COLEC10: variants seen among roughly 807,000 people sequenced by gnomAD.
COLEC10 encodes collectin-10.
In COLEC10, 22 loss-of-function variants were observed where a neutral mutation model predicts 28.4. That is an observed-to-expected ratio of 0.78 (90% CI 0.55 to 1.11). COLEC10 has a LOEUF of 1.11. Ranked by LOEUF, COLEC10 falls within the 50% of genes least tolerant of loss-of-function variation. The probability of loss-of-function intolerance (pLI) is 0.00; values close to 1 mark genes in which losing one functional copy is unlikely to be tolerated. For missense variants in COLEC10, 361 were observed against 344.1 expected (o/e 1.05, Z -0.39); for synonymous variants, 125 against 116.1 (o/e 1.08, Z -0.49).
At chr8:119,023,236 T>G (rs1189045756) in intron 2 of COLEC10, among the ~76,000 whole-genome samples, 1 of 152,146 alleles carries the variant, frequency 6.6e-6, no homozygotes, top group Non-Finnish European at 1.5e-5. Context: ...ATTTACTTAT[T>G]TATTATATTT....
At chr8:119,038,684 A>G (rs1027177008) in intron 2 of COLEC10, among the ~76,000 whole-genome samples, 1 of 152,196 alleles carries the variant, frequency 6.6e-6, no homozygotes, top group African/African-American at 2.4e-5. Context: ...TGTAACTAAC[A>G]CCTGTGAATC....
At chr8:118,981,715 T>C in the COLEC10 span, among the ~76,000 whole-genome samples, 1 of 152,272 alleles carries the variant, frequency 6.6e-6, no homozygotes, top group African/African-American at 2.4e-5. Context: ...CCTGATGGAA[T>C]AGAGAAAACA....
chr8:119,041,594 A>C (rs900243666), intron 2 of COLEC10, among the ~76,000 whole-genome samples: 3 of 152,162 alleles, frequency 2.0e-5, no homozygotes, highest in African/African-American at 7.2e-5. Flanking sequence ...TTGTGTGCTT[A>C]TGAAATTGGG....
At chr8:118,987,599 C>T in the COLEC10 span, among the ~76,000 whole-genome samples, 7 of 152,128 alleles carry the variant, frequency 4.6e-5, no homozygotes, top group East Asian at 3.9e-4. Flanking sequence ...ACATACTCCT[C>T]ATTAAAAACA....
the COLEC10 span, among the ~76,000 whole-genome samples, chr8:118,970,050 G>A: frequency 6.6e-6 from 1 of 152,038 alleles, no homozygotes; most frequent in Non-Finnish European, 1.5e-5. Flanking sequence ...TGTCTGAGCT[G>A]CTAAAATGTG....
the COLEC10 span, among the ~76,000 whole-genome samples, chr8:118,985,905 C>T: frequency 3.6e-4 from 55 of 152,030 alleles, no homozygotes; most frequent in African/African-American, 1.0e-3. Flanking sequence ...ATAGCAGTTC[C>T]GATCTGAAGT....
the COLEC10 span, among the ~76,000 whole-genome samples, chr8:118,974,864 T>G: frequency 6.6e-6 from 1 of 152,048 alleles, no homozygotes; most frequent in East Asian, 1.9e-4. Flanking sequence ...TTGCAGGTCT[T>G]TCAAAGTAAT....
At chr8:119,065,432 C>T (rs1285562695), upstream of COLEC10, among the ~76,000 whole-genome samples, 2 of 152,280 alleles carry the variant, frequency 1.3e-5, 1 homozygote, top group East Asian at 3.9e-4. Flanking sequence ...CTCCCATCAT[C>T]CCCAGATGGG....
At chr8:119,039,015 A>G (rs1814441593) in intron 2 of COLEC10, among the ~76,000 whole-genome samples, 1 of 152,256 alleles carries the variant, frequency 6.6e-6, no homozygotes. Context: ...ATTAAATGGT[A>G]CCATCAAATT....
chr8:119,069,722 C>T (rs1472676110), intron 1 of COLEC10, among the ~76,000 whole-genome samples: 2 of 143,106 alleles, frequency 1.4e-5, no homozygotes, highest in Non-Finnish European at 3.0e-5. Context: ...CCTCCCCACT[C>T]CAAAATAAGG....
chr8:118,967,612 G>A, the COLEC10 span, among the ~76,000 whole-genome samples: 2 of 151,998 alleles, frequency 1.3e-5, no homozygotes, highest in African/African-American at 4.8e-5. Context: ...TAAATTAATT[G>A]CTCAAACAAT....
In COLEC10 at chr8:119,089,807, T is replaced by C. The variant is rs1330834530; in HGVS notation, c.220+56T>C. 8 of 1,428,490 alleles carry C rather than the reference T, an allele frequency of 5.6e-6. No individual in the cohort carries two copies. In the African/African-American group the frequency reaches 7.1e-5, roughly 13 times the overall value. 88.5% of individuals were successfully genotyped at this position (1,428,490 alleles called of 1,614,324 possible). A position where few individuals can be genotyped will look rare whatever the true frequency, so the allele number is the denominator to read the frequency against. On this transcript the variant is annotated intron_variant, in intron 2 of 5. Coordinates refer to ENST00000332843, the MANE Select transcript of COLEC10 (RefSeq NM_006438.5). ...AATATCATAATTGTTCTTCTATCTC[T>C]CCTGGCCCTTGCCCTGGAAATTAGC...
chr8:119,074,057 C>T (rs567621242), intron 1 of COLEC10, among the ~76,000 whole-genome samples: 31 of 151,754 alleles, frequency 2.0e-4, no homozygotes, highest in African/African-American at 5.3e-4. Flanking sequence ...CCTAGCTATA[C>T]GATCTTAAGC....
At chr8:119,051,606 A>G (rs1377802611) in intron 2 of COLEC10, among the ~76,000 whole-genome samples, 1 of 152,226 alleles carries the variant, frequency 6.6e-6, no homozygotes, top group East Asian at 1.9e-4. Flanking sequence ...TGAATGAATC[A>G]ATGAATACGC....
At chr8:119,061,585 A>C (rs1244333321) in intron 2 of COLEC10, among the ~76,000 whole-genome samples, 1 of 152,112 alleles carries the variant, frequency 6.6e-6, no homozygotes, top group Non-Finnish European at 1.5e-5. Flanking sequence ...CCTCAGGGTA[A>C]AAATTATTTT....
chr8:119,038,650 AC>A (rs1351636710), intron 2 of COLEC10, among the ~76,000 whole-genome samples: 3 of 152,244 alleles, frequency 2.0e-5, no homozygotes, highest in Non-Finnish European at 4.4e-5. Flanking sequence ...ATTTAAACCA[AC>A]AGATGTAGTA....
chr8:118,969,203 C>T, the COLEC10 span, among the ~76,000 whole-genome samples: 1 of 151,964 alleles, frequency 6.6e-6, no homozygotes, highest in Non-Finnish European at 1.5e-5. Context: ...AAGGAGAGAA[C>T]AGATTTTCCC....
chr8:119,102,606 G>A (rs574969947), intron 4 of COLEC10: 78 of 485,850 alleles, frequency 1.6e-4, no homozygotes, highest in Admixed American at 6.9e-4. Context: ...ATGATGACAC[G>A]TTTCATCCCT....
intron 2 of COLEC10, among the ~76,000 whole-genome samples, chr8:119,026,277 G>A (rs1814189584): frequency 2.0e-5 from 3 of 152,150 alleles, no homozygotes; most frequent in African/African-American, 7.2e-5. Flanking sequence ...GACAAAGCCA[G>A]TCATGGTGGC....
Sources: gnomAD v4.1 joint callset for allele counts (sites outside exome capture counted in the v4.1 genomes callset) on GRCh38, gnomAD v4.1.1 for gene constraint, MANE v1.5 for transcripts, NCBI Gene and HGNC (gene_info 2026-07-23, HGNC 2026-07-21) for gene names.